Variants in ECPAS observed in about 807,000 individuals in gnomAD.
The protein encoded by ECPAS is proteasome adapter and scaffold protein ECM29.
Under a neutral mutation model 255.1 loss-of-function variants are expected in ECPAS, and 70 were observed. The observed-to-expected ratio is 0.27, with a 90% confidence interval of 0.23 to 0.33. ECPAS has a LOEUF of 0.33. Among genes scored for constraint, ECPAS ranks in the 10% least tolerant of loss-of-function variants. The probability of loss-of-function intolerance (pLI) is 1.00; values close to 1 mark genes in which losing one functional copy is unlikely to be tolerated. For synonymous variants in ECPAS, 784 were observed against 775.0 expected, an observed-to-expected ratio of 1.01 and a Z score of -0.19; for missense variants, 1,817 against 2,206.4, an observed-to-expected ratio of 0.82 and a Z score of 3.54.
intron 2 of ECPAS, among the ~76,000 whole-genome samples, chr9:111,466,896 C>T (rs1178579284): frequency 6.6e-6 from 1 of 152,208 alleles, no homozygotes; most frequent in Non-Finnish European, 1.5e-5. Flanking sequence ...AGGCGTGAGC[C>T]ACCACACCCA....
intron 1 of ECPAS, among the ~76,000 whole-genome samples, chr9:111,480,287 C>CTTTTT (rs1282400347): frequency 2.1e-4 from 24 of 113,674 alleles, no homozygotes; most frequent in African/African-American, 7.1e-4. Flanking sequence ...TTAAAAGCAC[C>CTTTTT]TTTTCTTTTT....
At chr9:111,428,194 A>G in intron 9 of ECPAS, 33 bp from the exon 10 acceptor site, 1 of 1,579,968 alleles carries the variant, frequency 6.3e-7, no homozygotes, top group Non-Finnish European at 8.6e-7. Context: ...TAACTCAGCA[A>G]TTCAAAATTA....
intron 22 of ECPAS, 51 bp from the exon 23 acceptor site, chr9:111,410,264 C>A (rs893083808): frequency 3.2e-5 from 47 of 1,480,202 alleles, no homozygotes; most frequent in Middle Eastern, 3.5e-4. Flanking sequence ...ATCCTTACGA[C>A]CCAAAGCAAC....
intron 2 of ECPAS, among the ~76,000 whole-genome samples, chr9:111,464,416 C>G (rs1169274455): frequency 6.9e-6 from 1 of 144,270 alleles, no homozygotes; most frequent in East Asian, 2.0e-4. Flanking sequence ...GGCAACTGAG[C>G]AAGATCCTAT....
At position 111,410,166 on chromosome 9, in the gene ECPAS, T is replaced by C; in HGVS notation, c.2425A>G (p.Thr809Ala). ...TTTCTGCCAATTTCACCCAGGGCTG[T>C]GCAGGCAGCAATTGCCAGGAGGGGT... is the stretch of plus-strand genomic sequence containing the variant. ...TSPLLAIAAC[T>A]ALGEIGRNGP... Residue 809 changes from threonine (T) to alanine (A), a missense_variant, in exon 23 of 50, where the codon ACA becomes GCA. This residue lies in a region of ECPAS where 194 missense variants were observed against 152.8 expected (regional missense o/e 1.27). Coordinates refer to ENST00000684092, the MANE Select transcript of ECPAS (RefSeq NM_001364929.1). The C allele has an allele frequency of 6.2e-7, 1 of 1,613,272 alleles. No individual in the cohort carries two copies.
At chr9:111,405,924 T>A (rs1236156902) in intron 24 of ECPAS, among the ~76,000 whole-genome samples, 1 of 149,638 alleles carries the variant, frequency 6.7e-6, no homozygotes, top group Non-Finnish European at 1.5e-5. Context: ...AAGGGGAACA[T>A]TCATACACTG....
chr9:111,392,915 T>TA (rs1461022196), intron 27 of ECPAS, 33 bp from the exon 28 acceptor site: 12 of 1,509,940 alleles, frequency 7.9e-6, no homozygotes, highest in Admixed American at 2.1e-5. Context: ...TGTATCACTT[T>TA]AAAAAAAATT....
Position 111,371,734 on chromosome 9 carries a change from C to T in ECPAS, c.4624G>A (p.Ala1542Thr), listed in dbSNP as rs201441042. 6.4e-5 allele frequency: 103 copies of T among 1,613,838 alleles called. No homozygotes were observed. In the South Asian group the frequency reaches 8.6e-4, roughly 13 times the overall value. Reference sequence around the variant, plus strand: ...TTTGCAATTGATGCCATGGCAATTGCACCCTGGGCTTTCATTTTCCAGGAC... The same window carrying T: ...TTTGCAATTGATGCCATGGCAATTGTACCCTGGGCTTTCATTTTCCAGGAC... ...SQSWKMKAQG[A>T]IAMASIAKQT... is the part of the protein sequence containing the mutation. Residue 1542 changes from alanine to threonine, a missense_variant, in exon 43 of 50, where the codon GCA becomes ACA. By Grantham distance (58) the Ala-to-Thr change is moderately conservative. This residue lies in a region of ECPAS where 960 missense variants were observed against 1,179.0 expected (regional missense o/e 0.81). Coordinates refer to ENST00000684092, the MANE Select transcript of ECPAS (RefSeq NM_001364929.1).
intron 2 of ECPAS, among the ~76,000 whole-genome samples, chr9:111,461,549 T>C (rs371243379): frequency 2.0e-5 from 3 of 152,118 alleles, no homozygotes; most frequent in Non-Finnish European, 4.4e-5. Context: ...TTGAACAAAA[T>C]AGAAAATGTG....
At chr9:111,442,164 C>T (rs1476702693) in intron 5 of ECPAS, 142 bp downstream of exon 5, 3 of 538,472 alleles carry the variant, frequency 5.6e-6, no homozygotes, top group Admixed American at 3.6e-5. Context: ...CTTTGAGGTA[C>T]CACGGAAAAT....
intron 9 of ECPAS, among the ~76,000 whole-genome samples, chr9:111,430,287 T>C (rs2098227907): frequency 6.6e-6 from 1 of 152,200 alleles, no homozygotes; most frequent in Non-Finnish European, 1.5e-5. Context: ...CTGCAAAGCC[T>C]ACAAAATTTA....
intron 42 of ECPAS, among the ~76,000 whole-genome samples, chr9:111,372,202 T>C (rs910551370): frequency 6.6e-6 from 1 of 152,178 alleles, no homozygotes; most frequent in Non-Finnish European, 1.5e-5. Flanking sequence ...TGGGCAGTGA[T>C]GAATGAGTAA....
intron 21 of ECPAS, chr9:111,411,806 A>G (rs1448666808): frequency 2.1e-6 from 1 of 466,974 alleles, no homozygotes; most frequent in African/African-American, 2.0e-5. Context: ...CCTAGCACCT[A>G]AAACAGTGCT....
chr9:111,366,127 C>T, intron 48 of ECPAS, 112 bp downstream of exon 48: 1 of 676,654 alleles, frequency 1.5e-6, no homozygotes, highest in Non-Finnish European at 2.6e-6. Context: ...TAGCAGAGTC[C>T]AGTAGCTATT....
intron 32 of ECPAS, among the ~76,000 whole-genome samples, chr9:111,385,780 G>T (rs1393584314): frequency 6.6e-6 from 1 of 152,122 alleles, no homozygotes; most frequent in African/African-American, 2.4e-5. Context: ...ATACTATAAA[G>T]TCATGACAAT....
chr9:111,396,012 G>A (rs925381533), intron 25 of ECPAS, among the ~76,000 whole-genome samples: 2 of 152,158 alleles, frequency 1.3e-5, no homozygotes, highest in African/African-American at 4.8e-5. Context: ...GAAATAATAG[G>A]TGAACGCATT....
At position 111,444,366 on chromosome 9, in the gene ECPAS, T is replaced by A. The variant is rs367627157; in HGVS notation, c.270+12A>T. 1.3e-6 allele frequency: 2 copies of A among 1,562,512 alleles called. No individual in the cohort carries two copies. Among genetic ancestry groups the A allele is most frequent in the South Asian group, 1.1e-5 (1 of 88,216 alleles). On this transcript the variant is annotated intron_variant, in intron 4 of 49. Transcript: ENST00000684092. ...TGCTGTAAGTCAGAAAATATTCCAA[T>A]ACAACACTCACTGTGACAAAGGAAA...
intron 1 of ECPAS, among the ~76,000 whole-genome samples, chr9:111,474,731 TTA>T (rs933812958): frequency 1.1e-4 from 16 of 152,190 alleles, no homozygotes; most frequent in African/African-American, 3.6e-4. Flanking sequence ...TAATAATAAT[TTA>T]TAAGAGCTTA....
chr9:111,483,429 C>T (rs2098309894), intron 1 of ECPAS: 2 of 791,388 alleles, frequency 2.5e-6, no homozygotes, highest in Admixed American at 6.4e-5. Flanking sequence ...CCCCAGCCCT[C>T]ATGCGGCCGC....
Sources: gnomAD v4.1 joint callset for allele counts (sites outside exome capture counted in the v4.1 genomes callset) on GRCh38, gnomAD v4.1.1 for gene constraint, gnomAD v4.1.1 regional missense constraint, MANE v1.5 for transcripts, NCBI Gene and HGNC (gene_info 2026-07-23, HGNC 2026-07-21) for gene names.